Variants in TESK2 observed in about 807,000 individuals in gnomAD.
TESK2 encodes the protein dual specificity testis-specific protein kinase 2.
A neutral mutation model predicts 57.1 loss-of-function variants in TESK2; 39 were observed. The ratio of observed to expected loss-of-function variants is 0.68; its 90% CI spans 0.53 to 0.89. TESK2 has a LOEUF of 0.89. Ranked by LOEUF, TESK2 falls within the 40% of genes least tolerant of loss-of-function variation. TESK2 has a pLI of 0.00. For missense variants in TESK2, 646 were observed against 732.1 expected, an observed-to-expected ratio of 0.88 and a Z score of 1.36; for synonymous variants, 249 against 267.9, an observed-to-expected ratio of 0.93 and a Z score of 0.69.
chr1:45,388,144 G>A (rs1648977043), intron 3 of TESK2, among the ~76,000 whole-genome samples: 1 of 152,092 alleles, frequency 6.6e-6, no homozygotes, highest in Admixed American at 6.5e-5. Flanking sequence ...ATTATTTATT[G>A]AATGGCTGCT....
At position 45,485,761 on chromosome 1, in the gene TESK2, T is replaced by C. The variant is rs181917907; in HGVS notation, c.-87+5091A>G. Among the ~76,000 whole-genome samples the C allele has an allele frequency of 4.3e-4, 65 of 151,392 alleles. 3 individuals are homozygous for C. Among genetic ancestry groups the C allele is most frequent in the African/African-American group, 1.5e-3 (63 of 41,292 alleles). The stretch of plus-strand genomic sequence containing the variant: ...GTCTCGAACTCCTGACCTCAAGTGA[T>C]CCACCTGCCTCAGCCTCCCAAAGTG... On this transcript the variant is annotated intron_variant, in intron 1 of 10. Transcript: ENST00000372086.
intron 4 of TESK2, among the ~76,000 whole-genome samples, chr1:45,384,323 C>CTATGTATGTATGTATG (rs145216387): frequency 6.7e-6 from 1 of 150,364 alleles, no homozygotes; most frequent in Admixed American, 6.7e-5. Flanking sequence ...GGGTCTCACT[C>CTATGTATGTATGTATG]TATGTATGTA....
At chr1:45,350,562 A>G (rs1215976927) in intron 5 of TESK2, among the ~76,000 whole-genome samples, 1 of 152,250 alleles carries the variant, frequency 6.6e-6, no homozygotes, top group Non-Finnish European at 1.5e-5. Context: ...GGTTCTTTTC[A>G]TAGCACAGGG....
chr1:45,364,609 T>C (rs921546103), intron 4 of TESK2, among the ~76,000 whole-genome samples: 2 of 152,222 alleles, frequency 1.3e-5, no homozygotes, highest in African/African-American at 4.8e-5. Context: ...AACTGCATTT[T>C]AGAAAGATCA....
At chr1:45,446,276 T>C (rs1651646253) in intron 2 of TESK2, among the ~76,000 whole-genome samples, 1 of 151,118 alleles carries the variant, frequency 6.6e-6, no homozygotes, top group African/African-American at 2.4e-5. Context: ...ATGGGCAACA[T>C]AGTGAGACTC....
intron 3 of TESK2, among the ~76,000 whole-genome samples, chr1:45,404,674 G>C (rs534363603): frequency 2.2e-4 from 34 of 151,630 alleles, no homozygotes; most frequent in African/African-American, 8.3e-4. Context: ...CTCCCGAGTA[G>C]CTGGGATTAC....
chr1:45,353,406 T>C (rs1647288032), intron 5 of TESK2, among the ~76,000 whole-genome samples: 1 of 152,200 alleles, frequency 6.6e-6, no homozygotes, highest in South Asian at 2.1e-4. Context: ...ACAGTGCAGC[T>C]GACTACAAAT....
Position 45,344,586 on chromosome 1 carries a change from G to C in TESK2, c.*254C>G. 2.0e-6 allele frequency: 1 copy of C among 498,072 alleles called. No homozygotes were observed. The highest frequency in any genetic ancestry group is 3.6e-6 in the Non-Finnish European group (1 of 276,072). 30.9% of individuals were successfully genotyped at this position (498,072 alleles called of 1,614,324 possible). Reference sequence around the variant, plus strand: ...TATCTGGGGAAGTACACTGGAGAGGGTCTGGTGGGAGGCAGACCTCCTTGC... The same window carrying C: ...TATCTGGGGAAGTACACTGGAGAGGCTCTGGTGGGAGGCAGACCTCCTTGC... On this transcript the variant is annotated 3_prime_UTR_variant, in exon 11 of 11. Coordinates refer to ENST00000372086, the MANE Select transcript of TESK2 (RefSeq NM_007170.3).
At chr1:45,357,804 G>A (rs1018278615) in intron 4 of TESK2, among the ~76,000 whole-genome samples, 2 of 151,554 alleles carry the variant, frequency 1.3e-5, no homozygotes, top group African/African-American at 2.4e-5. Flanking sequence ...TCGGGAGTTC[G>A]AGACCAGCCT....
intron 3 of TESK2, among the ~76,000 whole-genome samples, chr1:45,415,684 G>T (rs1650212736): frequency 6.6e-6 from 1 of 152,172 alleles, no homozygotes; most frequent in Non-Finnish European, 1.5e-5. Context: ...TGATTTACGT[G>T]TACTAATTTA....
intron 4 of TESK2, among the ~76,000 whole-genome samples, chr1:45,371,831 G>A (rs1648198639): frequency 6.6e-6 from 1 of 152,182 alleles, no homozygotes; most frequent in Admixed American, 6.5e-5. Context: ...TTACACCATT[G>A]CACTCCAGCC....
chr1:45,346,242 G>A (rs1203204465), intron 9 of TESK2, among the ~76,000 whole-genome samples: 1 of 152,160 alleles, frequency 6.6e-6, no homozygotes, highest in Admixed American at 6.6e-5. Context: ...GCTCATATTA[G>A]TTTATTCTGT....
chr1:45,459,428 T>G (rs1652248035), intron 1 of TESK2, among the ~76,000 whole-genome samples: 1 of 152,108 alleles, frequency 6.6e-6, no homozygotes, highest in African/African-American at 2.4e-5. Context: ...ACCACAGTCT[T>G]CAAAAAAGGA....
intron 5 of TESK2, among the ~76,000 whole-genome samples, chr1:45,355,059 C>T (rs1316954614): frequency 6.6e-6 from 1 of 151,614 alleles, no homozygotes; most frequent in Non-Finnish European, 1.5e-5. Context: ...ACTTCTAGTC[C>T]CAGCTACTCA....
At chr1:45,386,345 CAAAAAAA>C (rs11314981) in intron 3 of TESK2, among the ~76,000 whole-genome samples, 3 of 45,980 alleles carry the variant, frequency 6.5e-5, no homozygotes, top group Non-Finnish European at 1.3e-4. Context: ...GACTTTGACT[CAAAAAAA>C]AAAAAAAAAA....
At chr1:45,345,780 C>A in intron 10 of TESK2, 97 bp downstream of exon 10, 1 of 1,073,498 alleles carries the variant, frequency 9.3e-7, no homozygotes. Flanking sequence ...TGTTTCTGGA[C>A]CTGGGATCCT....
chr1:45,345,213 G>GC lies in TESK2; in HGVS notation c.1342dup (p.Ala448GlyfsTer15), dbSNP rs930681954. ...GGAACGCCACCGGCGAATAGGTGGG[G>GC]CCAGGGGCTCCTGCCAGTCAGCCAG... On this transcript the variant is annotated frameshift_variant, in exon 11 of 11. Transcript: ENST00000372086. LOFTEE classifies it high-confidence loss of function. The GC allele has an allele frequency of 6.2e-7, 1 of 1,614,034 alleles. No homozygotes were observed. Among genetic ancestry groups the GC allele is most frequent in the African/African-American group, 1.3e-5 (1 of 74,922 alleles).
At chr1:45,420,790 A>G (rs1162750276) in intron 3 of TESK2, among the ~76,000 whole-genome samples, 1 of 151,826 alleles carries the variant, frequency 6.6e-6, no homozygotes. Context: ...GGGTTTCACC[A>G]TGTTAGCCAG....
intron 4 of TESK2, among the ~76,000 whole-genome samples, chr1:45,356,216 A>AC (rs995596741): frequency 1.3e-5 from 2 of 152,038 alleles, no homozygotes; most frequent in African/African-American, 4.8e-5. Flanking sequence ...TAAAAAAAAA[A>AC]AACTTGATAA....
Sources: allele counts gnomAD v4.1 joint callset (sites outside exome capture counted in the v4.1 genomes callset), GRCh38; gene constraint gnomAD v4.1.1; transcripts MANE v1.5; gene names NCBI Gene and HGNC (gene_info 2026-07-23, HGNC 2026-07-21).